RARB: variants seen among roughly 807,000 people sequenced by gnomAD.
The protein encoded by RARB is HBV-activated protein.
Under a neutral mutation model 51.9 loss-of-function variants are expected in RARB, and 17 were observed. The ratio of observed to expected loss-of-function variants is 0.33; its 90% CI spans 0.22 to 0.49. RARB has a LOEUF of 0.49. Ranked by LOEUF, RARB falls within the 20% of genes least tolerant of loss-of-function variation. The pLI, the probability that RARB is intolerant of heterozygous loss-of-function variation, is 0.99. For synonymous variants in RARB, 215 were observed against 195.4 expected (o/e 1.10, Z -0.84); for missense variants, 369 against 550.8 (o/e 0.67, Z 3.30).
At chr3:25,491,056 C>A (rs949796953) in intron 2 of RARB, among the ~76,000 whole-genome samples, 3 of 152,146 alleles carry the variant, frequency 2.0e-5, no homozygotes, top group Admixed American at 1.3e-4. Context: ...CACAGAAATT[C>A]TTTGGGTAAC....
chr3:24,979,452 T>G (rs924526009), intron 2 of RARB, among the ~76,000 whole-genome samples: 2 of 152,220 alleles, frequency 1.3e-5, no homozygotes, highest in African/African-American at 4.8e-5. Context: ...TTAGGATAGT[T>G]AGCTCTTCTT....
At chr3:24,930,569 A>C (rs1054173474) in intron 2 of RARB, among the ~76,000 whole-genome samples, 1 of 152,128 alleles carries the variant, frequency 6.6e-6, no homozygotes, top group Non-Finnish European at 1.5e-5. Flanking sequence ...TGCCTGGCAC[A>C]TAATAGGAGT....
At chr3:24,832,653 T>TATATATATATATA (rs1169669449) in intron 1 of RARB, among the ~76,000 whole-genome samples, 3 of 63,406 alleles carry the variant, frequency 4.7e-5, no homozygotes, top group African/African-American at 2.0e-4. Flanking sequence ...ATATATATAA[T>TATATATATATATA]GTCAATTAAA....
chr3:25,258,399 G>A (rs1407437218), intron 5 of RARB, among the ~76,000 whole-genome samples: 1 of 152,168 alleles, frequency 6.6e-6, no homozygotes. Flanking sequence ...GCAGAATGCA[G>A]GATTCCTCAG....
intron 5 of RARB, among the ~76,000 whole-genome samples, chr3:25,208,909 A>G (rs1701627476): frequency 6.6e-6 from 1 of 152,138 alleles, no homozygotes; most frequent in Non-Finnish European, 1.5e-5. Context: ...CCTCTTACGA[A>G]GGAACTCTTT....
chr3:25,090,948 T>C (rs575135999), intron 3 of RARB, among the ~76,000 whole-genome samples: 1 of 152,300 alleles, frequency 6.6e-6, no homozygotes, highest in East Asian at 1.9e-4. Context: ...TATTAAAATA[T>C]GAAGCCTATT....
intron 2 of RARB, among the ~76,000 whole-genome samples, chr3:24,873,136 C>T (rs1702978320): frequency 6.6e-6 from 1 of 152,182 alleles, no homozygotes; most frequent in South Asian, 2.1e-4. Context: ...CTAGATTTGG[C>T]CCATGCCCTG....
At chr3:24,952,586 T>C (rs1695918131) in intron 2 of RARB, among the ~76,000 whole-genome samples, 1 of 152,162 alleles carries the variant, frequency 6.6e-6, no homozygotes, top group African/African-American at 2.4e-5. Context: ...ACATGGGCTT[T>C]ACTCACTCTC....
chr3:25,299,836 T>A (rs1703998852), intron 5 of RARB, among the ~76,000 whole-genome samples: 1 of 152,234 alleles, frequency 6.6e-6, no homozygotes, highest in South Asian at 2.1e-4. Flanking sequence ...AATTTCTTTA[T>A]CTTTCCTGTT....
chr3:24,864,618 C>G (rs996885880), intron 2 of RARB, among the ~76,000 whole-genome samples: 3 of 152,172 alleles, frequency 2.0e-5, no homozygotes, highest in African/African-American at 7.2e-5. Flanking sequence ...GTCTCAACTC[C>G]TGGCGTCAAA....
chr3:24,991,023 T>G (rs1028333758), intron 2 of RARB, among the ~76,000 whole-genome samples: 1 of 152,256 alleles, frequency 6.6e-6, no homozygotes, highest in South Asian at 2.1e-4. Flanking sequence ...ATTAGCAGTT[T>G]CTACTACATA....
intron 2 of RARB, among the ~76,000 whole-genome samples, chr3:24,886,818 G>A (rs1288375448): frequency 6.6e-6 from 1 of 152,162 alleles, no homozygotes; most frequent in Non-Finnish European, 1.5e-5. Flanking sequence ...TAATGTAAAA[G>A]AGAAATTCTG....
chr3:25,184,572 G>A (rs1422087968), intron 5 of RARB, among the ~76,000 whole-genome samples: 1 of 152,012 alleles, frequency 6.6e-6, no homozygotes, highest in Non-Finnish European at 1.5e-5. Context: ...TGAGAGAGGT[G>A]GCTGCTTCCA....
chr3:25,192,944 C>T (rs117014802), intron 5 of RARB, among the ~76,000 whole-genome samples: 1 of 152,110 alleles, frequency 6.6e-6, no homozygotes, highest in Non-Finnish European at 1.5e-5. Flanking sequence ...AACCAAGAGC[C>T]AGGCCCTCAT....
intron 3 of RARB, among the ~76,000 whole-genome samples, chr3:25,114,702 C>G (rs1002725541): frequency 6.6e-6 from 1 of 152,092 alleles, no homozygotes; most frequent in African/African-American, 2.4e-5. Flanking sequence ...ATGTAAGGAT[C>G]CTTGGAGGAA....
At chr3:24,896,511 G>A (rs530725987) in intron 2 of RARB, among the ~76,000 whole-genome samples, 55 of 152,086 alleles carry the variant, frequency 3.6e-4, no homozygotes, top group Admixed American at 2.7e-3. Context: ...CGCCCGCCTC[G>A]GCCTCCCAAA....
At chr3:25,349,117 C>A (rs186887858) in intron 5 of RARB, among the ~76,000 whole-genome samples, 6 of 152,296 alleles carry the variant, frequency 3.9e-5, no homozygotes, top group Admixed American at 2.6e-4. Flanking sequence ...TATCCGTTAC[C>A]CTTCCCCCAA....
At chr3:25,341,732 T>A (rs376145791) in intron 5 of RARB, among the ~76,000 whole-genome samples, 1 of 152,042 alleles carries the variant, frequency 6.6e-6, no homozygotes, top group East Asian at 1.9e-4. Context: ...TGGGTAGAGG[T>A]CAAGGGATGC....
chr3:25,119,645 A>T (rs1300279953), intron 3 of RARB, among the ~76,000 whole-genome samples: 3 of 151,308 alleles, frequency 2.0e-5, no homozygotes, highest in Admixed American at 6.6e-5. Context: ...TGAAAAAGTG[A>T]TAAAACAAAC....
Sources: allele counts gnomAD v4.1 joint callset (sites outside exome capture counted in the v4.1 genomes callset), GRCh38; gene constraint gnomAD v4.1.1; transcripts MANE v1.5; gene names NCBI Gene and HGNC (gene_info 2026-07-23, HGNC 2026-07-21).